The following HIPK1 variants were observed in gnomAD, a reference collection of about 807,000 sequenced individuals.
HIPK1 encodes the protein homeodomain interacting protein kinase 1.
Under a neutral mutation model 117.1 loss-of-function variants are expected in HIPK1, and 28 were observed. The observed-to-expected ratio is 0.24, with a 90% CI of 0.18 to 0.33. HIPK1 has a LOEUF of 0.33. Ranked by LOEUF, HIPK1 falls within the 10% of genes least tolerant of loss-of-function variation. HIPK1 has a pLI of 1.00. For synonymous variants in HIPK1, 605 were observed against 562.5 expected (o/e 1.08, Z -1.07); for missense variants, 1,122 against 1,475.1 (o/e 0.76, Z 3.92).
In HIPK1 at chr1:113,933,089, C is replaced by A. The variant is rs535223456; in HGVS notation, c.-3+3557C>A. 7 of 661,412 alleles carry A rather than the reference C, an allele frequency of 1.1e-5. No individual in the cohort carries two copies. The South Asian group carries it at 3.4e-4, about 32-fold the overall frequency. 41.0% of individuals were successfully genotyped at this position (661,412 alleles called of 1,614,324 possible). A position where few individuals can be genotyped will look rare whatever the true frequency, so the allele number is the denominator to read the frequency against. ...TATGTGCAGGTACTAAAATGTAGTA[C>A]CTTTTTACTAAACACAAAGCACTTA... On this transcript the variant is annotated intron_variant, in intron 1 of 15. Transcript: ENST00000426820.
intron 2 of HIPK1, among the ~76,000 whole-genome samples, chr1:113,950,793 G>A (rs1223389656): frequency 6.6e-6 from 1 of 152,216 alleles, no homozygotes; most frequent in Non-Finnish European, 1.5e-5. Context: ...GTGAGCCACT[G>A]CGCTGGCCAA....
chr1:113,952,197 C>G (rs920695304), intron 2 of HIPK1, among the ~76,000 whole-genome samples: 1 of 151,956 alleles, frequency 6.6e-6, no homozygotes, highest in Non-Finnish European at 1.5e-5. Context: ...CTTCGGCTTC[C>G]CAAAGTGCTG....
In HIPK1 at chr1:113,973,570, A is replaced by T; in HGVS notation, c.*58A>T. Reference sequence around the variant, plus strand: ...ACCTTCTCCTGGCCCTGCGTTCTTAATATTGGGCTATGGAGAGATCCTCCT... The same window carrying T: ...ACCTTCTCCTGGCCCTGCGTTCTTATTATTGGGCTATGGAGAGATCCTCCT... On this transcript the variant is annotated 3_prime_UTR_variant, in exon 16 of 16. Transcript: ENST00000426820. 1 of 1,524,754 alleles carries T rather than the reference A, an allele frequency of 6.6e-7. No individual in the cohort carries two copies. The highest frequency in any genetic ancestry group is 8.8e-7 in the Non-Finnish European group (1 of 1,133,590). 94.5% of individuals were successfully genotyped at this position (1,524,754 alleles called of 1,614,324 possible). A position where few individuals can be genotyped will look rare whatever the true frequency, so the allele number is the denominator to read the frequency against.
chr1:113,964,296 T>C (rs1190656456), intron 10 of HIPK1, among the ~76,000 whole-genome samples: 3 of 152,182 alleles, frequency 2.0e-5, no homozygotes, highest in East Asian at 3.8e-4. Flanking sequence ...ACTATGCAAA[T>C]ACAATATCTT....
At chr1:113,948,829 T>C (rs1398204999) in intron 2 of HIPK1, among the ~76,000 whole-genome samples, 1 of 152,098 alleles carries the variant, frequency 6.6e-6, no homozygotes. Context: ...TTATCATATA[T>C]TATTGCTACC....
chr1:113,960,948 G>C (rs1450307673), intron 8 of HIPK1, among the ~76,000 whole-genome samples: 1 of 152,140 alleles, frequency 6.6e-6, no homozygotes, highest in Non-Finnish European at 1.5e-5. Flanking sequence ...TACCTCCATA[G>C]TAATATTAAG....
chr1:113,931,057 G>A (rs970536647), intron 1 of HIPK1, among the ~76,000 whole-genome samples: 1 of 152,060 alleles, frequency 6.6e-6, no homozygotes, highest in Admixed American at 6.5e-5. Context: ...AAACAGCAGT[G>A]TGGCTTCCCG....
Position 113,971,806 on chromosome 1 carries a change from A to T in HIPK1, c.3014-18A>T, listed in dbSNP as rs1334122971. 2.5e-6 allele frequency: 4 copies of T among 1,589,384 alleles called. No individual in the cohort carries two copies. The highest frequency in any genetic ancestry group is 3.4e-6 in the Non-Finnish European group (4 of 1,172,588). ...CAGTGATGTCTACTCATAACTATTAAGCCTGGTGCTTTTTTAGGTCTCCTG... is the reference window on the plus strand; with the variant it reads ...CAGTGATGTCTACTCATAACTATTATGCCTGGTGCTTTTTTAGGTCTCCTG... On this transcript the variant is annotated intron_variant, in intron 14 of 15. Coordinates refer to ENST00000426820, the MANE Select transcript of HIPK1 (RefSeq NM_198268.3).
At chr1:113,935,655 T>TC (rs1167008807) in intron 1 of HIPK1, among the ~76,000 whole-genome samples, 1 of 152,200 alleles carries the variant, frequency 6.6e-6, no homozygotes, top group South Asian at 2.1e-4. Flanking sequence ...GTATAAGTGT[T>TC]CCCTTTTCTT....
chr1:113,931,745 G>T (rs1669911822), intron 1 of HIPK1, among the ~76,000 whole-genome samples: 1 of 152,078 alleles, frequency 6.6e-6, no homozygotes, highest in Non-Finnish European at 1.5e-5. Flanking sequence ...ATGATTTGTT[G>T]GTACAAATCA....
At chr1:113,949,264 A>G (rs1035052539) in intron 2 of HIPK1, among the ~76,000 whole-genome samples, 4 of 152,140 alleles carry the variant, frequency 2.6e-5, no homozygotes, top group South Asian at 2.1e-4. Context: ...CTGCCCTCCA[A>G]TTGATGCTTT....
chr1:113,949,604 T>TC (rs894153300), intron 2 of HIPK1, among the ~76,000 whole-genome samples: 6 of 149,508 alleles, frequency 4.0e-5, no homozygotes, highest in South Asian at 2.1e-4. Flanking sequence ...TCTTTTCTTT[T>TC]TTTTTTTTTT....
At chr1:113,929,671 G>A (rs1269273521) in intron 1 of HIPK1, 139 bp downstream of exon 1, 5 of 906,026 alleles carry the variant, frequency 5.5e-6, no homozygotes, top group African/African-American at 3.7e-5. Context: ...CGGTAGCCCC[G>A]GACGGCAGCA....
intron 4 of HIPK1, 131 bp from the exon 5 acceptor site, chr1:113,955,432 T>A: frequency 1.6e-6 from 1 of 631,284 alleles, no homozygotes. Context: ...TGGTTGTGAA[T>A]TACTTTCATG....
Position 113,973,154 on chromosome 1 carries a change from C to G in HIPK1, c.3275C>G (p.Ser1092Trp), listed in dbSNP as rs769581734. ...YTFQHGSPLH[S>W]TGHPHLAPAP... The stretch of plus-strand genomic sequence containing the variant: ...TTCCAGCATGGCAGCCCGCTACACT[C>G]GACAGGGCACCCACACCTTGCCCCG... The change falls in exon 16 of 16, where the codon TCG becomes TGG. Residue 1092 changes from serine (S) to tryptophan (W), a missense_variant. By Grantham distance (177) the Ser-to-Trp change is radical. Around this residue, in one of 6 missense-constraint regions of HIPK1, gnomAD observed 731 missense variants for 860.4 expected, o/e 0.85. Transcript: ENST00000426820. 2 of 1,606,460 alleles carry G rather than the reference C, an allele frequency of 1.2e-6. No individual in the cohort carries two copies. Among genetic ancestry groups the G allele is most frequent in the African/African-American group, 2.7e-5 (2 of 74,884 alleles).
chr1:113,952,412 A>G (rs544953815), intron 2 of HIPK1, among the ~76,000 whole-genome samples: 13 of 152,258 alleles, frequency 8.5e-5, no homozygotes, highest in Non-Finnish European at 1.3e-4. Context: ...CCTGACTTGA[A>G]CCATTGTTAA....
In HIPK1 at chr1:113,940,847, C is replaced by T; in HGVS notation, c.464C>T (p.Ala155Val). 1.2e-6 allele frequency: 2 copies of T among 1,614,094 alleles called. No individual in the cohort carries two copies. The highest frequency in any genetic ancestry group is 1.7e-6 in the Non-Finnish European group (2 of 1,180,026). Residue 155 changes from alanine (A) to valine (V), a missense_variant, in exon 2 of 16, where the codon GCT becomes GTT. Around this residue, in one of 6 missense-constraint regions of HIPK1, gnomAD observed 192 missense variants for 234.0 expected, o/e 0.82. Coordinates refer to ENST00000426820, the MANE Select transcript of HIPK1 (RefSeq NM_198268.3). ...CTGCAAAACAGGACTGTGGTGGGTG[C>T]TGCTGCCACAACCACCACTGTGACC... ...LMLQNRTVVG[A>V]AATTTTVTTK...
intron 5 of HIPK1, 67 bp downstream of exon 5, chr1:113,955,716 C>G: frequency 1.3e-6 from 1 of 797,654 alleles, no homozygotes; most frequent in Non-Finnish European, 2.1e-6. Flanking sequence ...GTTGATTATA[C>G]TAAAGACAAA....
In HIPK1 at chr1:113,952,864, A is replaced by T. The variant is rs755330425; in HGVS notation, c.1175A>T (p.Tyr392Phe). ...GAGCTGTTCCTGGGATGGCCTCTTT[A>T]TCCTGGTGCTTCAGAATATGATCAG... ...IAELFLGWPL[Y>F]PGASEYDQIR... Residue 392 changes from tyrosine (Y) to phenylalanine (F), a missense_variant, in exon 3 of 16, where the codon TAT becomes TTT. Coordinates refer to ENST00000426820, the MANE Select transcript of HIPK1 (RefSeq NM_198268.3). 3 of 1,541,732 alleles carry T rather than the reference A, an allele frequency of 1.9e-6. No individual in the cohort carries two copies. Among genetic ancestry groups the T allele is most frequent in the Non-Finnish European group, 2.6e-6 (3 of 1,142,678 alleles).
Sources: gnomAD v4.1 joint callset for allele counts (sites outside exome capture counted in the v4.1 genomes callset) on GRCh38, gnomAD v4.1.1 for gene constraint, gnomAD v4.1.1 regional missense constraint, MANE v1.5 for transcripts, NCBI Gene and HGNC (gene_info 2026-07-23, HGNC 2026-07-21) for gene names.